Variants in METTL15 observed in about 807,000 individuals in gnomAD.
METTL15 encodes the protein 12S rRNA N(4)-cytidine methyltransferase METTL15.
In METTL15, 34 loss-of-function variants were observed where a neutral mutation model predicts 38.3. The ratio of observed to expected loss-of-function variants is 0.89; its 90% confidence interval spans 0.68 to 1.18. The LOEUF (loss-of-function observed/expected upper bound fraction) is 1.18, where lower values mean the gene tolerates loss of function less well. Ranked by LOEUF, METTL15 falls within the 50% of genes most tolerant of loss-of-function variation. The probability of loss-of-function intolerance (pLI) is 0.00; values close to 1 mark genes in which losing one functional copy is unlikely to be tolerated. For synonymous variants in METTL15, 162 were observed against 170.9 expected (o/e 0.95, Z 0.41); for missense variants, 438 against 498.4 (o/e 0.88, Z 1.15).
intron 6 of METTL15, among the ~76,000 whole-genome samples, chr11:28,299,563 C>T (rs540230289): frequency 1.7e-4 from 26 of 151,936 alleles, no homozygotes; most frequent in Admixed American, 4.6e-4. Flanking sequence ...TATAGAAATA[C>T]CAGAGAATCC....
At chr11:28,169,426 T>A (rs1037511620) in intron 3 of METTL15, among the ~76,000 whole-genome samples, 6 of 152,104 alleles carry the variant, frequency 3.9e-5, no homozygotes, top group South Asian at 2.1e-4. Context: ...ATAATATTTT[T>A]AAAATTATAT....
At chr11:28,522,006 G>T (rs982802059) in intron 6 of METTL15, among the ~76,000 whole-genome samples, 16 of 152,258 alleles carry the variant, frequency 1.1e-4, no homozygotes, top group African/African-American at 3.9e-4. Flanking sequence ...TTTCTGTTGG[G>T]ACCCTGACTA....
intron 5 of METTL15, among the ~76,000 whole-genome samples, chr11:28,394,450 TG>T (rs1850547491): frequency 6.6e-6 from 1 of 152,108 alleles, no homozygotes. Flanking sequence ...GCCCTCTTTT[TG>T]TTATTTCACT....
At chr11:28,372,044 G>A (rs768410250) in intron 5 of METTL15, among the ~76,000 whole-genome samples, 23 of 152,012 alleles carry the variant, frequency 1.5e-4, no homozygotes, top group Non-Finnish European at 2.4e-4. Flanking sequence ...AATGGTGAAA[G>A]TAGGCATTCT....
intron 4 of METTL15, among the ~76,000 whole-genome samples, chr11:28,245,075 T>G (rs1854454997): frequency 6.6e-6 from 1 of 152,166 alleles, no homozygotes; most frequent in Admixed American, 6.5e-5. Flanking sequence ...ATGTCTTAAT[T>G]CTTAATTGAT....
chr11:28,134,117 C>T (rs1445532014), intron 3 of METTL15, among the ~76,000 whole-genome samples: 1 of 152,046 alleles, frequency 6.6e-6, no homozygotes, highest in African/African-American at 2.4e-5. Context: ...GTTGTTGATT[C>T]AAGATTTTTT....
At chr11:28,221,714 T>C (rs920375371) in intron 4 of METTL15, among the ~76,000 whole-genome samples, 6 of 152,220 alleles carry the variant, frequency 3.9e-5, no homozygotes, top group East Asian at 1.9e-4. Context: ...ATGATGGTGA[T>C]GTACAGATGG....
At chr11:28,134,017 T>G (rs1227019679) in intron 3 of METTL15, among the ~76,000 whole-genome samples, 3 of 152,178 alleles carry the variant, frequency 2.0e-5, no homozygotes, top group East Asian at 1.9e-4. Flanking sequence ...CAGACTTCTT[T>G]TTTAATATGG....
intron 3 of METTL15, among the ~76,000 whole-genome samples, chr11:28,180,209 G>A (rs1216071235): frequency 6.6e-6 from 1 of 151,802 alleles, no homozygotes. Context: ...ATGAGCAAAT[G>A]AACCCTTGAC....
chr11:28,312,550 T>C (rs1028452446), intron 6 of METTL15, among the ~76,000 whole-genome samples: 1 of 121,672 alleles, frequency 8.2e-6, no homozygotes, highest in African/African-American at 2.6e-5. Context: ...TGCTGTATTG[T>C]TTTATTTCTT....
chr11:28,117,382 A>G (rs1176695618), intron 3 of METTL15, among the ~76,000 whole-genome samples: 3 of 151,470 alleles, frequency 2.0e-5, no homozygotes, highest in Non-Finnish European at 2.9e-5. Flanking sequence ...ACCGAAGCAC[A>G]TTGTATTAGT....
At chr11:28,293,337 G>C (rs184406034) in intron 5 of METTL15, among the ~76,000 whole-genome samples, 127 of 152,142 alleles carry the variant, frequency 8.3e-4, no homozygotes, top group Non-Finnish European at 1.5e-3. Context: ...TCTTGTTTTT[G>C]TCAGGTTTGT....
chr11:28,246,255 T>C (rs1309376915), intron 4 of METTL15, among the ~76,000 whole-genome samples: 1 of 152,188 alleles, frequency 6.6e-6, no homozygotes, highest in African/African-American at 2.4e-5. Context: ...TTTCATCTTA[T>C]GCATTATATG....
chr11:28,377,709 C>T (rs1850333314), intron 5 of METTL15, among the ~76,000 whole-genome samples: 2 of 152,230 alleles, frequency 1.3e-5, no homozygotes, highest in Admixed American at 6.5e-5. Flanking sequence ...TGAGGAGCTG[C>T]ATTCCTTTGG....
intron 6 of METTL15, among the ~76,000 whole-genome samples, chr11:28,465,730 A>G (rs7103358): frequency 1 from 151,828 of 152,300 alleles, 75,682 homozygotes; most frequent in Middle Eastern, 1. Context: ...GATTTATCCT[A>G]TACTACAGCA....
At chr11:28,275,095 G>A (rs1348004841) in intron 4 of METTL15, among the ~76,000 whole-genome samples, 1 of 151,258 alleles carries the variant, frequency 6.6e-6, no homozygotes, top group Non-Finnish European at 1.5e-5. Flanking sequence ...TCCCTAAATA[G>A]TGGAAGAAAA....
At chr11:28,530,372 T>G (rs1232612982), downstream of METTL15, among the ~76,000 whole-genome samples, 3 of 152,154 alleles carry the variant, frequency 2.0e-5, no homozygotes, top group African/African-American at 7.2e-5. Context: ...GAATAACACA[T>G]TAAAGGCTGA....
chr11:28,193,040 A>G (rs1851756316), intron 3 of METTL15, among the ~76,000 whole-genome samples: 1 of 152,126 alleles, frequency 6.6e-6, no homozygotes, highest in African/African-American at 2.4e-5. Context: ...GGCTTTCAGC[A>G]TTAGTATAAG....
chr11:28,510,184 G>A (rs1173950158), intron 6 of METTL15, among the ~76,000 whole-genome samples: 1 of 151,858 alleles, frequency 6.6e-6, no homozygotes, highest in African/African-American at 2.4e-5. Flanking sequence ...GACTTGATAA[G>A]TATCAAAATA....
Sources: gnomAD v4.1 joint callset for allele counts (sites outside exome capture counted in the v4.1 genomes callset) on GRCh38, gnomAD v4.1.1 for gene constraint, MANE v1.5 for transcripts, NCBI Gene and HGNC (gene_info 2026-07-23, HGNC 2026-07-21) for gene names.